SV2B: variants seen among roughly 807,000 people sequenced by gnomAD.
SV2B encodes the protein solute carrier family 22 member B2.
Under a neutral mutation model 73.9 loss-of-function variants are expected in SV2B, and 41 were observed. The ratio of observed to expected loss-of-function variants is 0.56; its 90% confidence interval spans 0.43 to 0.72. The LOEUF (loss-of-function observed/expected upper bound fraction) is 0.72, where lower values mean the gene tolerates loss of function less well. SV2B is among the 30% of genes least tolerant of loss of function. The pLI is 0.00. For missense variants in SV2B, 764 were observed against 857.8 expected (o/e 0.89, Z 1.37); for synonymous variants, 314 against 314.2 (o/e 1.00, Z 0.01).
At chr15:91,177,393 A>G (rs1421268352) in intron 1 of SV2B, among the ~76,000 whole-genome samples, 1 of 151,824 alleles carries the variant, frequency 6.6e-6, no homozygotes, top group African/African-American at 2.4e-5. Flanking sequence ...TTGGTTCCAT[A>G]TGAACTTTAA....
chr15:91,259,450 C>T (rs566522595), intron 5 of SV2B, among the ~76,000 whole-genome samples: 4 of 152,306 alleles, frequency 2.6e-5, no homozygotes, highest in Non-Finnish European at 4.4e-5. Context: ...GTCCAATGTC[C>T]GTGTTCACCC....
intron 1 of SV2B, among the ~76,000 whole-genome samples, chr15:91,148,451 G>A (rs766670456): frequency 1.6e-4 from 25 of 152,088 alleles, no homozygotes; most frequent in Non-Finnish European, 1.2e-4. Flanking sequence ...GCGATGAGGC[G>A]TGCTGTTGGG....
At chr15:91,150,258 C>T (rs569780389) in intron 1 of SV2B, among the ~76,000 whole-genome samples, 92 of 152,096 alleles carry the variant, frequency 6.0e-4, no homozygotes, top group East Asian at 1.2e-3. Flanking sequence ...CCACCTGCCT[C>T]GGCCTCCCAA....
Position 91,158,684 on chromosome 15 carries a change from CTCTTCTCTT to C in SV2B, c.-392+58322_-392+58330del, listed in dbSNP as rs2043586617. ...CTCTTCTCTTCTCTTCTCTTCTCTT[CTCTTCTCTT>C]CTCTTCTCTCCTCTCCTCTCCTCTC... On this transcript the variant is annotated intron_variant, in intron 1 of 12. Transcript: ENST00000394232. 6.4e-4 allele frequency among the ~76,000 whole-genome samples: 52 copies of C among 80,886 alleles called. 1 individual carries two copies. Among genetic ancestry groups the C allele is most frequent in the Non-Finnish European group, 9.2e-4 (36 of 38,940 alleles). The allele number at this position is 80,886 out of a possible 152,430, so 53.1% of individuals were successfully genotyped here.
chr15:91,235,287 G>T (rs2046736171), intron 2 of SV2B, among the ~76,000 whole-genome samples: 1 of 152,156 alleles, frequency 6.6e-6, no homozygotes, highest in Non-Finnish European at 1.5e-5. Context: ...TACAGTTTAT[G>T]CAAGGAAGAA....
chr15:91,229,126 C>G lies in SV2B; in HGVS notation c.451+2412C>G, dbSNP rs1158200865. Among the ~76,000 whole-genome samples, 1 of 152,238 alleles carries G rather than the reference C, an allele frequency of 6.6e-6. No individual in the cohort carries two copies. Among genetic ancestry groups the G allele is most frequent in the South Asian group, 2.1e-4 (1 of 4,826 alleles). The stretch of plus-strand genomic sequence containing the variant: ...GGTCATGCCGTGCACAGGCTGCTCT[C>G]TGTGTCATCAAGCACCTCATAGATT... On this transcript the variant is annotated intron_variant, in intron 2 of 12. Transcript: ENST00000394232. The surrounding 1 kb of genome is among the most constrained non-coding windows in gnomAD (Gnocchi z 4.3).
chr15:91,217,846 T>C (rs1330960628), intron 1 of SV2B, among the ~76,000 whole-genome samples: 2 of 152,218 alleles, frequency 1.3e-5, no homozygotes, highest in Non-Finnish European at 2.9e-5. Context: ...TCATTCATGC[T>C]CCCTCAATGC....
In SV2B at chr15:91,227,672, C is replaced by T. The variant is rs2046428624; in HGVS notation, c.451+958C>T. On this transcript the variant is annotated intron_variant, in intron 2 of 12. Coordinates refer to ENST00000394232, the MANE Select transcript of SV2B (RefSeq NM_001323032.3). The surrounding 1 kb of genome is among the most constrained non-coding windows in gnomAD (Gnocchi z 4.5). ...CAACAAATATCTTTTATTGGTTTAC[C>T]TTATGCTAGACTCTGTGCTCAGGAT... is the stretch of plus-strand genomic sequence containing the variant. Among the ~76,000 whole-genome samples the T allele has an allele frequency of 6.6e-6, 1 of 152,262 alleles. No homozygotes were observed. Among genetic ancestry groups the T allele is most frequent in the East Asian group, 1.9e-4 (1 of 5,184 alleles).
At chr15:91,178,909 T>G (rs1485805867) in intron 1 of SV2B, among the ~76,000 whole-genome samples, 5 of 149,324 alleles carry the variant, frequency 3.3e-5, no homozygotes, top group Non-Finnish European at 7.4e-5. Context: ...CTGCTCTGAT[T>G]TTAGTTATTT....
rs2042430482 is a variant in SV2B at position 91,124,812 on chromosome 15, C to A, written c.-392+24449C>A. Among the ~76,000 whole-genome samples the A allele has an allele frequency of 6.6e-6, 1 of 152,152 alleles. No homozygotes were observed. The highest frequency in any genetic ancestry group is 1.9e-4 in the East Asian group (1 of 5,192). ...GGGACTACAGGCATGAGCCACCACA[C>A]CTGGCTAATGTTTGTATTTTTAGGA... On this transcript the variant is annotated intron_variant, in intron 1 of 12. Coordinates refer to ENST00000394232, the MANE Select transcript of SV2B (RefSeq NM_001323032.3). This position sits in a 1 kb window ranked among gnomAD's most constrained non-coding sequence, Gnocchi z 4.6.
chr15:91,273,987 G>A (rs550078772), intron 9 of SV2B, among the ~76,000 whole-genome samples: 4 of 152,128 alleles, frequency 2.6e-5, no homozygotes, highest in African/African-American at 7.2e-5. Context: ...TATAAATTAT[G>A]CAACTTGTTT....
At position 91,293,356 on chromosome 15, in the gene SV2B, G is replaced by A. The variant is rs1000370713; in HGVS notation, c.*804G>A. 1 of 152,192 alleles carries A rather than the reference G, an allele frequency of 6.6e-6. No homozygotes were observed. The highest frequency in any genetic ancestry group is 2.4e-5 in the African/African-American group (1 of 41,446). 9.4% of individuals were successfully genotyped at this position (152,192 alleles called of 1,614,324 possible). On this transcript the variant is annotated 3_prime_UTR_variant, in exon 13 of 13. Coordinates refer to ENST00000394232, the MANE Select transcript of SV2B (RefSeq NM_001323032.3). Reference sequence around the variant, plus strand: ...GAGAACTTGGTGTTTGAGGTCCCAGGAAATGAGGTCTGATCAAATGAAATG... The same window carrying A: ...GAGAACTTGGTGTTTGAGGTCCCAGAAAATGAGGTCTGATCAAATGAAATG...
rs2048978748 is a variant in SV2B, at chr15:91,289,726, T to G, written c.1868+46T>G. The G allele has an allele frequency of 6.3e-7, 1 of 1,589,930 alleles. No homozygotes were observed. Among genetic ancestry groups the G allele is most frequent in the East Asian group, 2.2e-5 (1 of 44,540 alleles). ...TCCTCAGGGACTTGTTTGGGCTTCT[T>G]TGGCCAGAAGTCTACCTGCTCCCTA... On this transcript the variant is annotated intron_variant, in intron 12 of 12. Transcript: ENST00000394232. The surrounding 1 kb of genome is among the most constrained non-coding windows in gnomAD (Gnocchi z 4.9).
intron 1 of SV2B, among the ~76,000 whole-genome samples, chr15:91,149,692 T>C (rs1219133091): frequency 6.6e-6 from 1 of 152,146 alleles, no homozygotes; most frequent in Non-Finnish European, 1.5e-5. Context: ...GCCAAGGTGG[T>C]GCTATCTGTT....
chr15:91,208,704 C>G (rs1017424675), intron 1 of SV2B, among the ~76,000 whole-genome samples: 10 of 152,298 alleles, frequency 6.6e-5, no homozygotes, highest in Middle Eastern at 6.8e-3. Context: ...TATGACAACC[C>G]TCTATGTAAG....
rs1453432441 is a variant in SV2B, at chr15:91,283,844, T to G, written c.1508-177T>G. The stretch of plus-strand genomic sequence containing the variant: ...AGGTCATTACATTTTTGGAAGTTTC[T>G]CTCCTCATCCATACCTTGATGACAT... On this transcript the variant is annotated intron_variant, in intron 10 of 12. Coordinates refer to ENST00000394232, the MANE Select transcript of SV2B (RefSeq NM_001323032.3). The surrounding 1 kb of genome is among the most constrained non-coding windows in gnomAD (Gnocchi z 4.3). Among the ~76,000 whole-genome samples the G allele has an allele frequency of 1.6e-5, 2 of 125,048 alleles. No individual in the cohort carries two copies. Among genetic ancestry groups the G allele is most frequent in the East Asian group, 4.2e-4 (2 of 4,790 alleles). 82.0% of individuals were successfully genotyped at this position (125,048 alleles called of 152,430 possible).
At chr15:91,201,631 C>T (rs1307158116) in intron 1 of SV2B, among the ~76,000 whole-genome samples, 1 of 152,228 alleles carries the variant, frequency 6.6e-6, no homozygotes, top group African/African-American at 2.4e-5. Context: ...TTCCCACAGG[C>T]CTTTTCATCT....
chr15:91,256,190 G>A (rs187816937), intron 4 of SV2B, among the ~76,000 whole-genome samples: 2 of 152,318 alleles, frequency 1.3e-5, no homozygotes, highest in East Asian at 1.9e-4. Context: ...AGTAGGGCAA[G>A]CTAGAAGATC....
rs533093532 is a variant in SV2B at position 91,226,076 on chromosome 15, T to C, written c.-188T>C. The C allele has an allele frequency of 7.6e-5, 47 of 616,584 alleles. 1 individual carries two copies. In the South Asian group the frequency reaches 1.0e-3, roughly 13 times the overall value. The allele number at this position is 616,584 out of a possible 1,614,324, so 38.2% of individuals were successfully genotyped here. ...TGCAAAAGGATATTTAGGTTGTCTT[T>C]GCACAAATCTGGTTGATTTGAGAGA... is the stretch of plus-strand genomic sequence containing the variant. On this transcript the variant is annotated 5_prime_UTR_variant, in exon 2 of 13. Transcript: ENST00000394232.
Sources: allele counts gnomAD v4.1 joint callset (sites outside exome capture counted in the v4.1 genomes callset), GRCh38; gene constraint gnomAD v4.1.1; non-coding constraint Gnocchi (gnomAD v3.1); transcripts MANE v1.5; gene names NCBI Gene and HGNC (gene_info 2026-07-23, HGNC 2026-07-21).